PCDHA1: variants seen among roughly 807,000 people sequenced by gnomAD.
PCDHA1 encodes protocadherin alpha 1.
Under a neutral mutation model 61.3 loss-of-function variants are expected in PCDHA1, and 42 were observed. The observed-to-expected ratio is 0.69, with a 90% confidence interval of 0.54 to 0.89. The LOEUF (loss-of-function observed/expected upper bound fraction) is 0.89, where lower values mean the gene tolerates loss of function less well. PCDHA1 is among the 40% of genes least tolerant of loss of function. The probability of loss-of-function intolerance (pLI) is 0.00; values close to 1 mark genes in which losing one functional copy is unlikely to be tolerated. For missense variants in PCDHA1, 1,256 were observed against 1,235.3 expected, an observed-to-expected ratio of 1.02 and a Z score of -0.25; for synonymous variants, 610 against 553.8, an observed-to-expected ratio of 1.10 and a Z score of -1.43.
Position 141,000,421 on chromosome 5 carries a change from A to ATTTTTTT in PCDHA1, c.2543-9189_2543-9183dup, listed in dbSNP as rs34755515. Among the ~76,000 whole-genome samples the ATTTTTTT allele has an allele frequency of 5.7e-4, 16 of 27,980 alleles. 1 individual carries two copies. Among genetic ancestry groups the ATTTTTTT allele is most frequent in the African/African-American group, 8.9e-4 (5 of 5,638 alleles). 18.4% of individuals were successfully genotyped at this position (27,980 alleles called of 152,430 possible). ...TATATATATATATATATATATATAT[A>ATTTTTTT]TTTTTTTTTTTTTTTTTTTTTTTGA... On this transcript the variant is annotated intron_variant, in intron 3 of 3. Coordinates refer to ENST00000504120, the MANE Select transcript of PCDHA1 (RefSeq NM_018900.4).
At chr5:140,880,173 C>T (rs2058257400) in intron 1 of PCDHA1, among the ~76,000 whole-genome samples, 1 of 152,006 alleles carries the variant, frequency 6.6e-6, no homozygotes, top group Non-Finnish European at 1.5e-5. Context: ...AGAAGTTAAA[C>T]ATGAAGGGAA....
Position 140,787,094 on chromosome 5 carries a change from T to G in PCDHA1, c.804T>G (p.Asp268Glu), listed in dbSNP as rs781903014. Residue 268 changes from aspartate to glutamate, a missense_variant, in exon 1 of 4, where the codon GAT becomes GAG. By Grantham distance (45) the Asp-to-Glu change is conservative. Transcript: ENST00000504120. ...GTLVTTLNASDADEGVNGEVV... is the reference protein window; with the variant it reads ...GTLVTTLNASEADEGVNGEVV... ...TAGTGACCACATTAAATGCCTCTGA[T>G]GCTGACGAAGGTGTAAATGGTGAAG... 6 of 1,614,240 alleles carry G rather than the reference T, an allele frequency of 3.7e-6. No homozygotes were observed. The South Asian group carries it at 6.6e-5, about 18-fold the overall frequency.
intron 1 of PCDHA1, among the ~76,000 whole-genome samples, chr5:140,935,636 G>A (rs1554210607): frequency 6.6e-6 from 1 of 152,052 alleles, no homozygotes; most frequent in African/African-American, 2.4e-5. Context: ...TTTAGGGCTT[G>A]CTTTTTAAAT....
At chr5:140,888,210 T>TTG (rs1325850915) in intron 1 of PCDHA1, among the ~76,000 whole-genome samples, 2 of 152,080 alleles carry the variant, frequency 1.3e-5, no homozygotes, top group Admixed American at 1.3e-4. Context: ...ATGCTGGATT[T>TTG]TGTGTGTGTG....
At chr5:140,967,934 A>G (rs781977227) in intron 1 of PCDHA1, 4 of 1,614,172 alleles carry the variant, frequency 2.5e-6, no homozygotes, top group Non-Finnish European at 2.5e-6. Flanking sequence ...TCTCAGTGTC[A>G]ATGACCAAGA....
rs782495760 is a variant in PCDHA1 at position 141,010,201 on chromosome 5, C to T, written c.*264C>T. Reference sequence around the variant, plus strand: ...GCAGACCCAAGTTTCCTTTCTCCTCCGCCGCAAAGGAGAGGCTTCCCAGCC... The same window carrying T: ...GCAGACCCAAGTTTCCTTTCTCCTCTGCCGCAAAGGAGAGGCTTCCCAGCC... On this transcript the variant is annotated 3_prime_UTR_variant, in exon 4 of 4. Coordinates refer to ENST00000504120, the MANE Select transcript of PCDHA1 (RefSeq NM_018900.4). The T allele has an allele frequency of 1.3e-5, 20 of 1,552,034 alleles. No individual in the cohort carries two copies. The East Asian group carries it at 1.7e-4, about 13-fold the overall frequency.
At chr5:140,940,349 C>T (rs1437069133) in intron 1 of PCDHA1, among the ~76,000 whole-genome samples, 14 of 152,156 alleles carry the variant, frequency 9.2e-5, no homozygotes, top group African/African-American at 2.9e-4. Flanking sequence ...GTGTGTCCAA[C>T]ATGCTATTAA....
In PCDHA1 at chr5:140,857,175, A is replaced by T. The variant is rs149086377; in HGVS notation, c.2394+68491A>T. 3 of 1,598,452 alleles carry T rather than the reference A, an allele frequency of 1.9e-6. 1 individual carries two copies. Among genetic ancestry groups the T allele is most frequent in the Non-Finnish European group, 2.6e-6 (3 of 1,167,876 alleles). On this transcript the variant is annotated intron_variant, in intron 1 of 3. Transcript: ENST00000504120. Reference sequence around the variant, plus strand: ...ATTGCCCTAATCAGCGTTTCTGACCATGATTCAGGAGCCAACGGACAGGTC... The same window carrying T: ...ATTGCCCTAATCAGCGTTTCTGACCTTGATTCAGGAGCCAACGGACAGGTC...
rs782443702 is a variant in PCDHA1 at position 140,824,610 on chromosome 5, G to GTTTT, written c.2394+35945_2394+35948dup. ...GGACTACATGCACATGCTAATTAAAGTTTTTTTTTTTTTTTTTTTTTTATT... is the reference window on the plus strand; with the variant it reads ...GGACTACATGCACATGCTAATTAAAGTTTTTTTTTTTTTTTTTTTTTTTTTTATT... On this transcript the variant is annotated intron_variant, in intron 1 of 3. Coordinates refer to ENST00000504120, the MANE Select transcript of PCDHA1 (RefSeq NM_018900.4). 941 of 95,090 alleles carry GTTTT rather than the reference G, an allele frequency of 9.9e-3. 171 individuals carry two copies. The highest frequency in any genetic ancestry group is 0.04 in the African/African-American group (820 of 20,550). The allele number at this position is 95,090 out of a possible 1,614,324, so 5.9% of individuals were successfully genotyped here.
At chr5:140,882,361 C>T (rs2059095511) in intron 1 of PCDHA1, 1 of 1,614,204 alleles carries the variant, frequency 6.2e-7, no homozygotes, top group Non-Finnish European at 8.5e-7. Context: ...GTGGCCAGCT[C>T]CACTACTCCG....
intron 1 of PCDHA1, among the ~76,000 whole-genome samples, chr5:140,944,291 G>T (rs155813): frequency 6.6e-6 from 1 of 151,928 alleles, no homozygotes; most frequent in African/African-American, 2.4e-5. Flanking sequence ...GGGCTCAAGC[G>T]ATCCTCCTAC....
At chr5:140,898,511 G>A (rs373963449) in intron 1 of PCDHA1, among the ~76,000 whole-genome samples, 16 of 151,912 alleles carry the variant, frequency 1.1e-4, no homozygotes, top group South Asian at 4.2e-4. Context: ...GATATGCGGC[G>A]TTATTTCTGA....
chr5:140,843,123 C>T lies in PCDHA1; in HGVS notation c.2394+54439C>T, dbSNP rs2150353254. ...AAGGTGCGCGCAGTGGACGCCGACT[C>T]GGGCTACAACGCGTGGCTTTCGTAT... On this transcript the variant is annotated intron_variant, in intron 1 of 3. Transcript: ENST00000504120. 18 of 1,595,788 alleles carry T rather than the reference C, an allele frequency of 1.1e-5. No homozygotes were observed. The East Asian group carries it at 3.6e-4, about 32-fold the overall frequency.
chr5:140,796,270 TG>T (rs1554119807), intron 1 of PCDHA1: 1 of 1,614,096 alleles, frequency 6.2e-7, no homozygotes, highest in South Asian at 1.1e-5. Flanking sequence ...GCCTTCACTG[TG>T]GGCCACCACC....
intron 1 of PCDHA1, chr5:140,815,048 T>C (rs1381946035): frequency 9.9e-5 from 15 of 152,202 alleles, no homozygotes; most frequent in African/African-American, 3.6e-4. Flanking sequence ...ATTTTTTTAA[T>C]ATCCTTTAAC....
intron 1 of PCDHA1, chr5:140,795,644 A>C (rs1761978591): frequency 6.2e-7 from 1 of 1,614,136 alleles, no homozygotes; most frequent in Non-Finnish European, 8.5e-7. Context: ...GGCACCGTTC[A>C]AATACTTATT....
chr5:140,992,558 G>A (rs567645353), intron 3 of PCDHA1, among the ~76,000 whole-genome samples: 27 of 152,256 alleles, frequency 1.8e-4, no homozygotes, highest in African/African-American at 5.8e-4. Context: ...CCAGGAGATG[G>A]GGCAACACAT....
intron 1 of PCDHA1, chr5:140,853,670 T>G: frequency 1.0e-6 from 1 of 988,378 alleles, no homozygotes; most frequent in Non-Finnish European, 1.2e-6. Flanking sequence ...AATTGGGGCC[T>G]ATGGTCAACC....
At chr5:140,935,592 T>C (rs1554210581) in intron 1 of PCDHA1, among the ~76,000 whole-genome samples, 1 of 152,252 alleles carries the variant, frequency 6.6e-6, no homozygotes, top group East Asian at 1.9e-4. Context: ...ACCAGCTAGA[T>C]ACAGAGCTAG....
Sources: allele counts gnomAD v4.1 joint callset (sites outside exome capture counted in the v4.1 genomes callset), GRCh38; gene constraint gnomAD v4.1.1; transcripts MANE v1.5; gene names NCBI Gene and HGNC (gene_info 2026-07-23, HGNC 2026-07-21).